Variants in TFDP2 observed in about 807,000 individuals in gnomAD.
TFDP2 encodes the protein transcription factor Dp-2.
Under a neutral mutation model 59.3 loss-of-function variants are expected in TFDP2, and 17 were observed. That is an observed-to-expected ratio of 0.29 (90% CI 0.20 to 0.43). The LOEUF (loss-of-function observed/expected upper bound fraction) is 0.43. Ranked by LOEUF, TFDP2 falls within the 20% of genes least tolerant of loss-of-function variation. The pLI is 1.00. For missense variants in TFDP2, 391 were observed against 528.8 expected, an observed-to-expected ratio of 0.74 and a Z score of 2.56; for synonymous variants, 180 against 194.7, an observed-to-expected ratio of 0.92 and a Z score of 0.63.
At chr3:142,066,647 G>A (rs539484845) in intron 3 of TFDP2, among the ~76,000 whole-genome samples, 7 of 152,206 alleles carry the variant, frequency 4.6e-5, no homozygotes, top group East Asian at 1.9e-4. Context: ...TCAAACCATC[G>A]TTAAGTTGGG....
intron 1 of TFDP2, among the ~76,000 whole-genome samples, chr3:142,143,961 T>C (rs1313903570): frequency 1.3e-5 from 2 of 152,216 alleles, no homozygotes; most frequent in African/African-American, 2.4e-5. Context: ...CCTATGTTTG[T>C]TGCAGCACTG....
chr3:142,141,504 G>A (rs1048817338), intron 1 of TFDP2, among the ~76,000 whole-genome samples: 2 of 152,166 alleles, frequency 1.3e-5, no homozygotes, highest in Non-Finnish European at 2.9e-5. Context: ...CATCTTGAAC[G>A]AAGATCTATT....
chr3:142,146,639 T>G (rs2063188196), intron 1 of TFDP2, among the ~76,000 whole-genome samples: 2 of 152,224 alleles, frequency 1.3e-5, no homozygotes. Context: ...AAGTACATGC[T>G]TTAAAATTAG....
intron 3 of TFDP2, among the ~76,000 whole-genome samples, chr3:142,089,552 ACTTAT>A (rs1380983528): frequency 6.6e-6 from 1 of 152,278 alleles, no homozygotes; most frequent in African/African-American, 2.4e-5. Flanking sequence ...ACTTCTGAGT[ACTTAT>A]CTTAATAAAT....
chr3:142,147,480 A>G (rs111345451), intron 1 of TFDP2, among the ~76,000 whole-genome samples: 1,758 of 152,278 alleles, frequency 0.012, 10 homozygotes, highest in Non-Finnish European at 0.018. Flanking sequence ...CCAGAGAAAA[A>G]CTTCCATGTG....
intron 10 of TFDP2, 80 bp from the exon 11 acceptor site, chr3:141,959,920 C>T: frequency 2.9e-6 from 4 of 1,399,034 alleles, no homozygotes; most frequent in Non-Finnish European, 3.9e-6. Flanking sequence ...GTTTAAGTAA[C>T]AGAATGGGGG....
intron 1 of TFDP2, among the ~76,000 whole-genome samples, chr3:142,136,290 T>C (rs922736485): frequency 1.3e-5 from 2 of 152,084 alleles, no homozygotes; most frequent in Admixed American, 6.6e-5. Context: ...CTTTTTAGAT[T>C]CTGGATATTA....
chr3:142,023,810 T>A (rs1411531019), intron 3 of TFDP2, among the ~76,000 whole-genome samples: 3 of 152,138 alleles, frequency 2.0e-5, no homozygotes, highest in Non-Finnish European at 2.9e-5. Context: ...TAAAGATTTT[T>A]AAATTTTTTT....
intron 1 of TFDP2, among the ~76,000 whole-genome samples, chr3:142,116,716 G>GT (rs2061862894): frequency 1.3e-5 from 2 of 152,174 alleles, no homozygotes; most frequent in South Asian, 4.1e-4. Context: ...TTGGTTTTGA[G>GT]TTTTTTCTCT....
intron 2 of TFDP2, among the ~76,000 whole-genome samples, chr3:142,100,029 C>T (rs904279667): frequency 6.6e-6 from 1 of 152,164 alleles, no homozygotes; most frequent in African/African-American, 2.4e-5. Context: ...GAAGCAAAAT[C>T]TGTATCTGCT....
chr3:141,977,123 TTTTTTC>T (rs1940794352), intron 7 of TFDP2, among the ~76,000 whole-genome samples: 1 of 125,464 alleles, frequency 8.0e-6, no homozygotes, highest in African/African-American at 3.3e-5. Flanking sequence ...TTTTTTTTTT[TTTTTTC>T]CCCCCAAAGA....
At chr3:142,013,771 A>T (rs1311031469) in intron 3 of TFDP2, among the ~76,000 whole-genome samples, 1 of 132,562 alleles carries the variant, frequency 7.5e-6, no homozygotes, top group African/African-American at 2.5e-5. Flanking sequence ...GACACCACAT[A>T]TTTTTTTTTC....
At chr3:141,971,585 G>C (rs1939767751) in intron 8 of TFDP2, among the ~76,000 whole-genome samples, 1 of 151,838 alleles carries the variant, frequency 6.6e-6, no homozygotes, top group South Asian at 2.1e-4. Flanking sequence ...GGAGCCCATT[G>C]GTTTGGACTG....
intron 3 of TFDP2, among the ~76,000 whole-genome samples, chr3:142,092,596 G>T (rs1250882158): frequency 1.3e-5 from 2 of 152,112 alleles, no homozygotes; most frequent in African/African-American, 4.8e-5. Context: ...TGGGATTACA[G>T]GTGTGAGCCA....
At chr3:142,108,251 C>G (rs1313208519) in intron 1 of TFDP2, among the ~76,000 whole-genome samples, 1 of 151,876 alleles carries the variant, frequency 6.6e-6, no homozygotes, top group African/African-American at 2.4e-5. Context: ...GCTCTGTCAC[C>G]CAGGCTGGAC....
chr3:142,007,297 G>A (rs989016833), intron 3 of TFDP2, among the ~76,000 whole-genome samples: 1 of 151,768 alleles, frequency 6.6e-6, no homozygotes, highest in Non-Finnish European at 1.5e-5. Context: ...ACCCAAATCT[G>A]CTTCTCCTTC....
At chr3:141,985,531 A>AAC (rs960188978) in intron 6 of TFDP2, among the ~76,000 whole-genome samples, 5 of 151,272 alleles carry the variant, frequency 3.3e-5, no homozygotes, top group Non-Finnish European at 7.4e-5. Context: ...AAAAAAAAAA[A>AAC]AAAAAAAAAA....
intron 1 of TFDP2, among the ~76,000 whole-genome samples, chr3:142,111,166 C>T (rs1161547027): frequency 7.9e-5 from 12 of 152,044 alleles, no homozygotes; most frequent in Non-Finnish European, 1.5e-4. Context: ...CGGTGGCTCA[C>T]GCCTGTAATC....
chr3:141,969,975 A>G, intron 9 of TFDP2, 98 bp downstream of exon 9: 1 of 1,215,442 alleles, frequency 8.2e-7, no homozygotes, highest in Non-Finnish European at 1.2e-6. Flanking sequence ...GGCTCACCAC[A>G]CACCACTCAG....
Sources: allele counts gnomAD v4.1 joint callset (sites outside exome capture counted in the v4.1 genomes callset), GRCh38; gene constraint gnomAD v4.1.1; transcripts MANE v1.5; gene names NCBI Gene and HGNC (gene_info 2026-07-23, HGNC 2026-07-21).